VAV3: variants seen among roughly 807,000 people sequenced by gnomAD.
VAV3 encodes the protein vav guanine nucleotide exchange factor 3.
A neutral mutation model predicts 131.2 loss-of-function variants in VAV3; 94 were observed. That is an observed-to-expected ratio of 0.72 (90% CI 0.61 to 0.85). The LOEUF (loss-of-function observed/expected upper bound fraction) is 0.85. Among genes scored for constraint, VAV3 ranks in the 40% least tolerant of loss-of-function variants. The pLI is 0.00. For missense variants in VAV3, 939 were observed against 1,002.7 expected (o/e 0.94, Z 0.86); for synonymous variants, 349 against 342.0 (o/e 1.02, Z -0.22).
chr1:107,844,385 T>C (rs959189133), intron 2 of VAV3, among the ~76,000 whole-genome samples: 14 of 152,156 alleles, frequency 9.2e-5, no homozygotes, highest in African/African-American at 3.1e-4. Flanking sequence ...AGCACAAAAC[T>C]GGGTGGCCAT....
chr1:107,688,344 C>T, intron 18 of VAV3, 37 bp downstream of exon 18: 2 of 1,605,140 alleles, frequency 1.2e-6, no homozygotes, highest in Non-Finnish European at 1.7e-6. Flanking sequence ...ACTTGAAATG[C>T]AAAGGTTATA....
At chr1:107,607,652 A>C (rs1652388658) in intron 22 of VAV3, among the ~76,000 whole-genome samples, 1 of 152,180 alleles carries the variant, frequency 6.6e-6, no homozygotes, top group Non-Finnish European at 1.5e-5. Flanking sequence ...CCTGACATCT[A>C]TCTCTTGTTC....
chr1:107,777,664 A>G (rs1665443662), intron 3 of VAV3: 1 of 234,690 alleles, frequency 4.3e-6, no homozygotes, highest in South Asian at 8.7e-5. Flanking sequence ...ACAGCTGTGC[A>G]TGTACCCTTG....
chr1:107,886,728 T>A (rs558406237), intron 1 of VAV3, among the ~76,000 whole-genome samples: 1 of 152,136 alleles, frequency 6.6e-6, no homozygotes, highest in Non-Finnish European at 1.5e-5. Flanking sequence ...GAAACTTCCA[T>A]CAAACTGCTC....
intron 15 of VAV3, among the ~76,000 whole-genome samples, chr1:107,709,484 C>T (rs1432839441): frequency 2.0e-5 from 3 of 152,164 alleles, no homozygotes; most frequent in Non-Finnish European, 4.4e-5. Context: ...AAACATGATT[C>T]ACTAAATTTC....
At chr1:107,786,404 A>G (rs1024189605) in intron 2 of VAV3, among the ~76,000 whole-genome samples, 2 of 152,200 alleles carry the variant, frequency 1.3e-5, no homozygotes, top group African/African-American at 4.8e-5. Context: ...TCCATCTCTT[A>G]CTAGCAAGGT....
At chr1:107,770,813 C>T in intron 5 of VAV3, 85 bp from the exon 6 acceptor site, 5 of 1,051,698 alleles carry the variant, frequency 4.8e-6, no homozygotes, top group Non-Finnish European at 7.0e-6. Context: ...GCATTGCTGA[C>T]TTTCTTAAAC....
intron 15 of VAV3, among the ~76,000 whole-genome samples, chr1:107,708,386 T>C (rs1276910621): frequency 1.3e-5 from 2 of 152,188 alleles, no homozygotes; most frequent in Admixed American, 6.5e-5. Flanking sequence ...CCTTAACATA[T>C]GACAATTTAC....
chr1:107,625,648 C>T (rs749453517), intron 20 of VAV3, among the ~76,000 whole-genome samples: 5 of 152,146 alleles, frequency 3.3e-5, no homozygotes, highest in Non-Finnish European at 7.4e-5. Flanking sequence ...CAGTGTGAAG[C>T]GGTCTATTTT....
chr1:107,623,945 C>G (rs762190387), intron 20 of VAV3, among the ~76,000 whole-genome samples: 1 of 152,122 alleles, frequency 6.6e-6, no homozygotes, highest in African/African-American at 2.4e-5. Flanking sequence ...ATACCTTGGT[C>G]TAGGATCTCT....
chr1:107,878,659 A>T (rs1365317473), intron 1 of VAV3, among the ~76,000 whole-genome samples: 1 of 152,180 alleles, frequency 6.6e-6, no homozygotes, highest in African/African-American at 2.4e-5. Context: ...ATATTTCATC[A>T]CATCAGAAGA....
At chr1:107,628,138 G>A (rs958000538) in intron 20 of VAV3, among the ~76,000 whole-genome samples, 15 of 152,148 alleles carry the variant, frequency 9.9e-5, no homozygotes, top group Admixed American at 9.2e-4. Flanking sequence ...CAGAACGGGG[G>A]TGAAAGGGAA....
chr1:107,789,159 C>G (rs1666161895), intron 2 of VAV3, among the ~76,000 whole-genome samples: 1 of 152,150 alleles, frequency 6.6e-6, no homozygotes. Context: ...ACCTAAAGGA[C>G]TTAGAAAGTT....
chr1:107,613,980 A>G (rs1652949641), intron 21 of VAV3, among the ~76,000 whole-genome samples: 1 of 152,194 alleles, frequency 6.6e-6, no homozygotes, highest in Non-Finnish European at 1.5e-5. Context: ...TAGAGCTGGT[A>G]TGAATTCCAG....
intron 15 of VAV3, among the ~76,000 whole-genome samples, chr1:107,732,990 T>C (rs900230453): frequency 2.6e-5 from 4 of 152,280 alleles, no homozygotes; most frequent in Non-Finnish European, 4.4e-5. Flanking sequence ...TACAGCCAGA[T>C]GCCCCTCTGA....
At chr1:107,792,166 G>T (rs903085824) in intron 2 of VAV3, among the ~76,000 whole-genome samples, 4 of 152,102 alleles carry the variant, frequency 2.6e-5, no homozygotes, top group Admixed American at 6.6e-5. Flanking sequence ...AACAACTACA[G>T]CATCTAAACT....
At chr1:107,943,079 T>C (rs1674077625) in intron 1 of VAV3, among the ~76,000 whole-genome samples, 1 of 152,144 alleles carries the variant, frequency 6.6e-6, no homozygotes, top group Non-Finnish European at 1.5e-5. Context: ...GAGGATGTGT[T>C]CCTTTTTGAC....
At chr1:107,850,120 T>C (rs1468477721) in intron 2 of VAV3, among the ~76,000 whole-genome samples, 2 of 152,174 alleles carry the variant, frequency 1.3e-5, no homozygotes, top group African/African-American at 4.8e-5. Context: ...ACACCATTGG[T>C]GGGAGTGTAA....
intron 4 of VAV3, among the ~76,000 whole-genome samples, chr1:107,776,371 G>C (rs1665357295): frequency 6.6e-6 from 1 of 152,198 alleles, no homozygotes; most frequent in Non-Finnish European, 1.5e-5. Context: ...GACTGTCTCA[G>C]GCATTGGCAA....
Sources: gnomAD v4.1 joint callset for allele counts (sites outside exome capture counted in the v4.1 genomes callset) on GRCh38, gnomAD v4.1.1 for gene constraint, MANE v1.5 for transcripts, NCBI Gene and HGNC (gene_info 2026-07-23, HGNC 2026-07-21) for gene names.